The following DPYD variants were observed in gnomAD, a reference collection of about 807,000 sequenced individuals.
DPYD encodes the protein dihydropyrimidine dehydrogenase.
DPYD carries 109 observed loss-of-function variants against 116.2 expected under a neutral mutation model. The observed-to-expected ratio is 0.94, with a 90% CI of 0.80 to 1.10. The LOEUF (loss-of-function observed/expected upper bound fraction) is 1.10. Among genes scored for constraint, DPYD ranks in the 50% least tolerant of loss-of-function variants. DPYD has a pLI of 0.00. For missense variants in DPYD, 1,302 were observed against 1,254.5 expected, an observed-to-expected ratio of 1.04 and a Z score of -0.57; for synonymous variants, 440 against 432.0, an observed-to-expected ratio of 1.02 and a Z score of -0.23.
At chr1:97,514,362 T>G (rs895137472) in intron 13 of DPYD, 2 of 548,884 alleles carry the variant, frequency 3.6e-6, no homozygotes, top group Admixed American at 1.3e-4. Context: ...TTTTCAGCTA[T>G]AATTCTTCAC....
chr1:97,435,465 T>C (rs144627373), intron 14 of DPYD, among the ~76,000 whole-genome samples: 2 of 152,102 alleles, frequency 1.3e-5, no homozygotes, highest in Non-Finnish European at 2.9e-5. Context: ...TGTCTTATTT[T>C]AAGGATGTCT....
chr1:97,830,884 G>A (rs1016309797), intron 2 of DPYD, among the ~76,000 whole-genome samples: 8 of 152,016 alleles, frequency 5.3e-5, no homozygotes, highest in Admixed American at 1.3e-4. Flanking sequence ...GAGTAGAAGC[G>A]GCAACCTTAA....
chr1:97,549,506 T>G, intron 12 of DPYD, 54 bp downstream of exon 12: 1 of 1,576,746 alleles, frequency 6.3e-7, no homozygotes, highest in South Asian at 1.1e-5. Context: ...CAAAAATAAA[T>G]GAAGCACTTA....
intron 16 of DPYD, among the ~76,000 whole-genome samples, chr1:97,327,299 T>G (rs1453207137): frequency 6.6e-6 from 1 of 152,054 alleles, no homozygotes; most frequent in Non-Finnish European, 1.5e-5. Flanking sequence ...AATCATCAAA[T>G]TCCAATGAAT....
intron 18 of DPYD, among the ~76,000 whole-genome samples, chr1:97,273,346 C>T (rs1031734725): frequency 3.9e-5 from 6 of 152,044 alleles, no homozygotes; most frequent in Non-Finnish European, 7.4e-5. Context: ...AAAAGGAATG[C>T]AGAAAATCAA....
At chr1:97,693,796 A>T (rs1352850348) in intron 6 of DPYD, among the ~76,000 whole-genome samples, 1 of 152,186 alleles carries the variant, frequency 6.6e-6, no homozygotes, top group Admixed American at 6.5e-5. Context: ...GAACCTTCCA[A>T]TGAGTCAGGC....
intron 21 of DPYD, among the ~76,000 whole-genome samples, chr1:97,087,248 G>C (rs533968569): frequency 6.6e-6 from 1 of 152,152 alleles, no homozygotes; most frequent in Admixed American, 6.5e-5. Context: ...GTGTGGTATA[G>C]TGATCTCTTA....
chr1:97,669,688 C>T (rs774672350), intron 8 of DPYD, among the ~76,000 whole-genome samples: 3 of 151,956 alleles, frequency 2.0e-5, no homozygotes, highest in South Asian at 2.1e-4. Flanking sequence ...ATCCTGCTAA[C>T]GAAAGATGGC....
At chr1:97,362,778 C>T (rs1284020801) in intron 16 of DPYD, among the ~76,000 whole-genome samples, 2 of 152,146 alleles carry the variant, frequency 1.3e-5, no homozygotes, top group African/African-American at 4.8e-5. Flanking sequence ...GGATCCCTTC[C>T]TTACACCTTA....
At chr1:97,147,806 G>A (rs758372139) in intron 20 of DPYD, among the ~76,000 whole-genome samples, 21 of 152,132 alleles carry the variant, frequency 1.4e-4, no homozygotes, top group Non-Finnish European at 2.9e-4. Context: ...CAGTGATTGT[G>A]GAGCGAGTAA....
Position 97,723,416 on chromosome 1 carries a change from T to A in DPYD, c.322-1745A>T, listed in dbSNP as rs556410507. On this transcript the variant is annotated intron_variant, in intron 4 of 22. Coordinates refer to ENST00000370192, the MANE Select transcript of DPYD (RefSeq NM_000110.4). ...AGATTACAGAATCTAGTTACAGTGATCTTATTCAGCTATGGTCCATATGTT... is the reference window on the plus strand; with the variant it reads ...AGATTACAGAATCTAGTTACAGTGAACTTATTCAGCTATGGTCCATATGTT... Among the ~76,000 whole-genome samples, 5 of 151,624 alleles carry A rather than the reference T, an allele frequency of 3.3e-5. No individual in the cohort carries two copies. In the East Asian group the frequency reaches 9.7e-4, roughly 29 times the overall value.
chr1:97,143,907 A>G (rs1654420864), intron 20 of DPYD, among the ~76,000 whole-genome samples: 1 of 152,166 alleles, frequency 6.6e-6, no homozygotes, highest in Admixed American at 6.6e-5. Context: ...TGTGTCATCA[A>G]GAAGAGTTGT....
At chr1:97,791,735 A>G (rs1187371855) in intron 3 of DPYD, among the ~76,000 whole-genome samples, 1 of 152,230 alleles carries the variant, frequency 6.6e-6, no homozygotes, top group East Asian at 1.9e-4. Flanking sequence ...CACACTGAGG[A>G]CAGAGAAAAA....
intron 16 of DPYD, among the ~76,000 whole-genome samples, chr1:97,333,026 T>G (rs1669095233): frequency 6.6e-6 from 1 of 151,396 alleles, no homozygotes; most frequent in Admixed American, 6.6e-5. Flanking sequence ...GAAGTTTTAT[T>G]TAAAAGACCC....
At chr1:97,203,271 C>T (rs1179369703) in intron 19 of DPYD, among the ~76,000 whole-genome samples, 1 of 152,110 alleles carries the variant, frequency 6.6e-6, no homozygotes, top group African/African-American at 2.4e-5. Context: ...GAAAAGGAAA[C>T]TAAACATCCA....
chr1:97,226,440 A>G (rs1013101623), intron 19 of DPYD, among the ~76,000 whole-genome samples: 2 of 152,154 alleles, frequency 1.3e-5, no homozygotes, highest in African/African-American at 4.8e-5. Context: ...AGAAAAAGTT[A>G]AATAGACTCT....
chr1:97,327,714 C>T (rs1367967417), intron 16 of DPYD, among the ~76,000 whole-genome samples: 1 of 151,812 alleles, frequency 6.6e-6, no homozygotes, highest in Non-Finnish European at 1.5e-5. Context: ...TCATATATTT[C>T]ATATAATAAT....
intron 18 of DPYD, among the ~76,000 whole-genome samples, chr1:97,292,531 A>G (rs1277408050): frequency 2.0e-5 from 3 of 152,208 alleles, no homozygotes; most frequent in African/African-American, 4.8e-5. Context: ...GGTCCCTCCC[A>G]TGACATGTGG....
chr1:97,546,268 A>G (rs1448284462), intron 12 of DPYD: 1 of 1,469,000 alleles, frequency 6.8e-7, no homozygotes, highest in East Asian at 2.3e-5. Flanking sequence ...AAAAAAAAGA[A>G]ACCTTTAAAA....
Sources: allele counts gnomAD v4.1 joint callset (sites outside exome capture counted in the v4.1 genomes callset), GRCh38; gene constraint gnomAD v4.1.1; transcripts MANE v1.5; gene names NCBI Gene and HGNC (gene_info 2026-07-23, HGNC 2026-07-21).